The following ACER3 variants were observed in gnomAD, a reference collection of about 807,000 sequenced individuals.
ACER3 encodes alkaline ceramidase 3, also known as alkCDase 3.
Under a neutral mutation model 48.9 loss-of-function variants are expected in ACER3, and 16 were observed. The observed-to-expected ratio is 0.33, with a 90% CI of 0.22 to 0.50. The LOEUF is 0.50. Ranked by LOEUF, ACER3 falls within the 20% of genes least tolerant of loss-of-function variation. The probability of loss-of-function intolerance (pLI) is 0.98; values close to 1 mark genes in which losing one functional copy is unlikely to be tolerated. For synonymous variants in ACER3, 109 were observed against 107.8 expected (o/e 1.01, Z -0.07); for missense variants, 227 against 326.0 (o/e 0.70, Z 2.34).
intron 1 of ACER3, among the ~76,000 whole-genome samples, chr11:76,869,081 C>T (rs1220192632): frequency 1.3e-5 from 2 of 152,304 alleles, no homozygotes; most frequent in Non-Finnish European, 2.9e-5. Flanking sequence ...GCCCTAGCCC[C>T]GGACTTGGGA....
At chr11:76,909,640 G>A (rs1946319507) in intron 1 of ACER3, among the ~76,000 whole-genome samples, 1 of 152,164 alleles carries the variant, frequency 6.6e-6, no homozygotes, top group Non-Finnish European at 1.5e-5. Flanking sequence ...GAGAGGATGT[G>A]GAAAAATAGG....
intron 1 of ACER3, among the ~76,000 whole-genome samples, chr11:76,909,919 A>T (rs1011111731): frequency 6.6e-6 from 1 of 152,180 alleles, no homozygotes; most frequent in African/African-American, 2.4e-5. Context: ...ACATATATAC[A>T]CCATGGAATA....
chr11:76,870,561 C>T (rs938864952), intron 1 of ACER3, among the ~76,000 whole-genome samples: 4 of 152,110 alleles, frequency 2.6e-5, no homozygotes, highest in South Asian at 2.1e-4. Flanking sequence ...AACTGCTGGA[C>T]GATGTGGTAG....
chr11:76,910,802 G>T (rs1394814944), intron 1 of ACER3, among the ~76,000 whole-genome samples: 1 of 152,072 alleles, frequency 6.6e-6, no homozygotes, highest in East Asian at 1.9e-4. Flanking sequence ...GATTATAATT[G>T]GTCCAACCAT....
rs374616043 is a variant in ACER3 at position 77,020,232 on chromosome 11, A to G, written c.751-42A>G. Reference sequence around the variant, plus strand: ...TCTTTTTCAGGGATAACATGGAACAATTCTGTCTTTTCTCATTTTGTCCTA... The same window carrying G: ...TCTTTTTCAGGGATAACATGGAACAGTTCTGTCTTTTCTCATTTTGTCCTA... On this transcript the variant is annotated intron_variant, in intron 10 of 10. Coordinates refer to ENST00000532485, the MANE Select transcript of ACER3 (RefSeq NM_018367.7). 3.2e-5 allele frequency: 51 copies of G among 1,597,308 alleles called. No homozygotes were observed. The African/African-American group carries it at 6.0e-4, about 19-fold the overall frequency.
At chr11:76,864,596 ATTTTTTT>A (rs772026324) in intron 1 of ACER3, among the ~76,000 whole-genome samples, 1,071 of 99,946 alleles carry the variant, frequency 0.011, 12 homozygotes, top group African/African-American at 0.034. Flanking sequence ...TGGAATGGGT[ATTTTTTT>A]TTTTTTTTTT....
At chr11:76,897,226 G>A (rs1945955720) in intron 1 of ACER3, among the ~76,000 whole-genome samples, 1 of 152,146 alleles carries the variant, frequency 6.6e-6, no homozygotes, top group African/African-American at 2.4e-5. Context: ...CAAAGTGCTG[G>A]GATTACAGGC....
intron 2 of ACER3, among the ~76,000 whole-genome samples, chr11:76,942,293 G>A (rs921167110): frequency 6.6e-6 from 1 of 151,994 alleles, no homozygotes; most frequent in African/African-American, 2.4e-5. Context: ...GTATGATGTT[G>A]GCTATGGATT....
chr11:76,914,219 A>G lies in ACER3; in HGVS notation c.104-12338A>G, dbSNP rs547515639. The stretch of plus-strand genomic sequence containing the variant: ...AAATGAGATCTAATTAAACTAAAGA[A>G]CTTCTGCACAGCAAAAGAAACTATC... On this transcript the variant is annotated intron_variant, in intron 1 of 10. Coordinates refer to ENST00000532485, the MANE Select transcript of ACER3 (RefSeq NM_018367.7). 4.6e-5 allele frequency among the ~76,000 whole-genome samples: 7 copies of G among 152,276 alleles called. No individual in the cohort carries two copies. In the East Asian group the frequency reaches 7.7e-4, roughly 17 times the overall value.
intron 1 of ACER3, among the ~76,000 whole-genome samples, chr11:76,895,794 T>C: frequency 6.6e-6 from 1 of 152,210 alleles, no homozygotes; most frequent in East Asian, 1.9e-4. Flanking sequence ...TGTACATTGT[T>C]TATTATAGCA....
At chr11:77,003,659 C>G (rs782409024) in intron 7 of ACER3, among the ~76,000 whole-genome samples, 4 of 152,018 alleles carry the variant, frequency 2.6e-5, no homozygotes, top group African/African-American at 4.8e-5. Context: ...TTCAGACTTT[C>G]CTATTTCCTA....
chr11:76,998,275 G>T (rs1231632057), intron 6 of ACER3, among the ~76,000 whole-genome samples: 1 of 152,194 alleles, frequency 6.6e-6, no homozygotes, highest in Non-Finnish European at 1.5e-5. Context: ...CCTTAGTCAA[G>T]AAGTGGGCAC....
chr11:77,004,082 T>C (rs782695764), intron 7 of ACER3, among the ~76,000 whole-genome samples: 8 of 152,246 alleles, frequency 5.3e-5, no homozygotes, highest in Admixed American at 2.0e-4. Context: ...ATCCTGTTGG[T>C]TGGTGGTTGT....
intron 2 of ACER3, among the ~76,000 whole-genome samples, chr11:76,956,325 T>C (rs946881940): frequency 5.3e-5 from 8 of 152,194 alleles, no homozygotes; most frequent in African/African-American, 1.7e-4. Context: ...GAAATGTCAG[T>C]TGCAGGAGAG....
intron 2 of ACER3, among the ~76,000 whole-genome samples, chr11:76,955,180 A>G (rs371808543): frequency 6.6e-6 from 1 of 152,334 alleles, no homozygotes. Context: ...GTAAGATGGT[A>G]CAGACACTCC....
chr11:76,861,367 G>A (rs1944934967), intron 1 of ACER3, among the ~76,000 whole-genome samples: 1 of 152,048 alleles, frequency 6.6e-6, no homozygotes, highest in South Asian at 2.1e-4. Flanking sequence ...AAGGGGGAAA[G>A]CCTGAAGAGC....
intron 2 of ACER3, among the ~76,000 whole-genome samples, chr11:76,952,139 TACACACACACACACACAC>T (rs71272233): frequency 1.4e-5 from 1 of 72,658 alleles, no homozygotes; most frequent in East Asian, 2.9e-4. Context: ...TATATATATA[TACACACACACACACACAC>T]ACACACACAC....
chr11:76,911,359 C>A (rs545065971), intron 1 of ACER3, among the ~76,000 whole-genome samples: 1 of 152,242 alleles, frequency 6.6e-6, no homozygotes, highest in African/African-American at 2.4e-5. Context: ...ACTGTCGTGG[C>A]ACTGGTGGGA....
intron 2 of ACER3, among the ~76,000 whole-genome samples, chr11:76,954,412 T>TA (rs1273340734): frequency 6.6e-6 from 1 of 152,138 alleles, no homozygotes; most frequent in Non-Finnish European, 1.5e-5. Context: ...ATCTCATTTT[T>TA]AAAAAAATTC....
Sources: gnomAD v4.1 joint callset for allele counts (sites outside exome capture counted in the v4.1 genomes callset) on GRCh38, gnomAD v4.1.1 for gene constraint, MANE v1.5 for transcripts, NCBI Gene and HGNC (gene_info 2026-07-23, HGNC 2026-07-21) for gene names.